Variants in C19orf44 observed in about 807,000 individuals in gnomAD.
C19orf44 encodes uncharacterized protein C19orf44.
C19orf44 carries 43 observed loss-of-function variants against 50.7 expected under a neutral mutation model. The observed-to-expected ratio is 0.85, with a 90% CI of 0.66 to 1.09. C19orf44 has a LOEUF of 1.09. C19orf44 is among the 50% of genes least tolerant of loss of function. The pLI, the probability that C19orf44 is intolerant of heterozygous loss-of-function variation, is 0.00. For synonymous variants in C19orf44, 298 were observed against 334.7 expected (o/e 0.89, Z 1.20); for missense variants, 722 against 836.2 (o/e 0.86, Z 1.68).
intron 7 of C19orf44, among the ~76,000 whole-genome samples, chr19:16,514,958 G>A (rs2093467737): frequency 1.3e-5 from 2 of 152,366 alleles, no homozygotes; most frequent in African/African-American, 2.4e-5. Context: ...TCTCCCATGG[G>A]AGGGGTCCTG....
intron 3 of C19orf44, among the ~76,000 whole-genome samples, chr19:16,504,413 A>G (rs868771795): frequency 3.3e-5 from 5 of 151,942 alleles, no homozygotes; most frequent in African/African-American, 7.3e-5. Context: ...ACAACATAGG[A>G]TGCTTTGGGG....
chr19:16,509,464 C>T (rs1008300406), intron 4 of C19orf44, 35 bp from the exon 5 acceptor site: 1 of 1,525,664 alleles, frequency 6.6e-7, no homozygotes, highest in South Asian at 1.3e-5. Context: ...ATTTCCAAAA[C>T]ACTTCCCAGC....
chr19:16,516,420 A>C (rs773734543), intron 7 of C19orf44, among the ~76,000 whole-genome samples: 13 of 152,114 alleles, frequency 8.5e-5, no homozygotes, highest in Admixed American at 2.0e-4. Context: ...TCTCAAACAA[A>C]CAACCATAAT....
intron 5 of C19orf44, among the ~76,000 whole-genome samples, chr19:16,512,800 AG>A (rs34762297): frequency 0.42 from 62,542 of 148,486 alleles, 14,548 homozygotes; most frequent in African/African-American, 0.64. Context: ...AGGAGGCTGT[AG>A]TGAGCTGTGA....
chr19:16,500,786 C>T lies in C19orf44; in HGVS notation c.-1-6C>T. On this transcript the variant is annotated splice_region_variant and splice_polypyrimidine_tract_variant and intron_variant, in intron 1 of 8. Coordinates refer to ENST00000221671, the MANE Select transcript of C19orf44 (RefSeq NM_032207.4). ...CTTATGCAAAATTGCTCCTCTTCCT[C>T]CACAGAATGGCTTCTGCAAGGAAAG... is the stretch of plus-strand genomic sequence containing the variant. The T allele has an allele frequency of 1.3e-6, 2 of 1,561,212 alleles. No homozygotes were observed. The highest frequency in any genetic ancestry group is 1.7e-6 in the Non-Finnish European group (2 of 1,157,118).
chr19:16,511,314 T>C (rs970536171), intron 5 of C19orf44, among the ~76,000 whole-genome samples: 1 of 151,974 alleles, frequency 6.6e-6, no homozygotes, highest in Admixed American at 6.6e-5. Flanking sequence ...GGATTATAGG[T>C]GTGAGCCACC....
chr19:16,520,371 TGGAGCGGGAGTAGGAACGGGAGCA>T lies in C19orf44; in HGVS notation c.*325_*348del. The T allele has an allele frequency of 6.2e-7, 1 of 1,612,374 alleles. No individual in the cohort carries two copies. The highest frequency in any genetic ancestry group is 2.2e-5 in the East Asian group (1 of 44,856). ...GAGGCAGCCTCTGCCTACCTAGATC[TGGAGCGGGAGTAGGAACGGGAGCA>T]GGAGCGCGACCTTGACCTTGAGTAC... is the stretch of plus-strand genomic sequence containing the variant. On this transcript the variant is annotated 3_prime_UTR_variant, in exon 9 of 9. Coordinates refer to ENST00000221671, the MANE Select transcript of C19orf44 (RefSeq NM_032207.4). The surrounding 1 kb of genome is among the most constrained non-coding windows in gnomAD (Gnocchi z 4.0).
intron 3 of C19orf44, among the ~76,000 whole-genome samples, chr19:16,504,603 GTTTTT>G (rs11340318): frequency 6.8e-6 from 1 of 147,916 alleles, no homozygotes; most frequent in African/African-American, 2.5e-5. Flanking sequence ...TCTTCTGTCT[GTTTTT>G]TTTTTTGTTT....
intron 2 of C19orf44, 136 bp from the exon 3 acceptor site, chr19:16,502,929 A>T: frequency 1.4e-6 from 1 of 732,262 alleles, no homozygotes; most frequent in Non-Finnish European, 2.2e-6. Flanking sequence ...TGTCGAGGCT[A>T]CAGTGAGCTA....
chr19:16,496,844 C>T (rs2093410691), intron 1 of C19orf44, among the ~76,000 whole-genome samples: 1 of 151,888 alleles, frequency 6.6e-6, no homozygotes, highest in Non-Finnish European at 1.5e-5. Context: ...AACTTTGCGT[C>T]AGGCCGGGCG....
rs1360442848 is a variant in C19orf44, at chr19:16,520,382, T to C, written c.*329T>C. ...TGCCTACCTAGATCTGGAGCGGGAGTAGGAACGGGAGCAGGAGCGCGACCT... is the reference window on the plus strand; with the variant it reads ...TGCCTACCTAGATCTGGAGCGGGAGCAGGAACGGGAGCAGGAGCGCGACCT... On this transcript the variant is annotated 3_prime_UTR_variant, in exon 9 of 9. Coordinates refer to ENST00000221671, the MANE Select transcript of C19orf44 (RefSeq NM_032207.4). The surrounding 1 kb of genome is among the most constrained non-coding windows in gnomAD (Gnocchi z 4.0). 2 of 1,612,408 alleles carry C rather than the reference T, an allele frequency of 1.2e-6. No homozygotes were observed. Among genetic ancestry groups the C allele is most frequent in the Non-Finnish European group, 1.7e-6 (2 of 1,179,652 alleles).
At position 16,519,056 on chromosome 19, in the gene C19orf44, G is replaced by T; in HGVS notation, c.*41-1038G>T. On this transcript the variant is annotated intron_variant, in intron 8 of 8. Coordinates refer to ENST00000221671, the MANE Select transcript of C19orf44 (RefSeq NM_032207.4). The surrounding 1 kb of genome is among the most constrained non-coding windows in gnomAD (Gnocchi z 6.0). ...CCTGTGGCTCTCCACAAGTGGAGAC[G>T]GTGTAAGAACTGAGCTGTCACTGCA... 9.7e-7 allele frequency: 1 copy of T among 1,027,276 alleles called. No homozygotes were observed. The highest frequency in any genetic ancestry group is 1.6e-5 in the African/African-American group (1 of 61,804). The allele number at this position is 1,027,276 out of a possible 1,614,324, so 63.6% of individuals were successfully genotyped here.
At chr19:16,503,495 C>T (rs2093431918) in intron 3 of C19orf44, 115 bp downstream of exon 3, 1 of 1,047,120 alleles carries the variant, frequency 9.5e-7, no homozygotes, top group African/African-American at 1.6e-5. Flanking sequence ...TTTTGAGTCG[C>T]ATCTCACACT....
intron 5 of C19orf44, 156 bp downstream of exon 5, chr19:16,510,144 C>CATGA: frequency 9.0e-7 from 1 of 1,111,682 alleles, no homozygotes. Flanking sequence ...AGGTGGCTCA[C>CATGA]GCCTGTAATC....
rs750866504 is a variant in C19orf44, at chr19:16,520,708, G to A, written c.*655G>A. The A allele has an allele frequency of 5.3e-5, 63 of 1,193,052 alleles. No individual in the cohort carries two copies. The highest frequency in any genetic ancestry group is 7.5e-5 in the Non-Finnish European group (61 of 813,576). The allele number at this position is 1,193,052 out of a possible 1,614,324, so 73.9% of individuals were successfully genotyped here. On this transcript the variant is annotated 3_prime_UTR_variant, in exon 9 of 9. Transcript: ENST00000221671. The surrounding 1 kb of genome is among the most constrained non-coding windows in gnomAD (Gnocchi z 4.0). ...GAATTCAGGCCTTGTGGAAAACACC[G>A]CCCCATAGGCACAGGCTGTGTGAGG...
chr19:16,509,951 G>C lies in C19orf44; in HGVS notation c.1602G>C (p.Gln534His), dbSNP rs2093452286. ...TRVLVKDTAV[Q>H]TPDPAFTYEW... ...TGCTTGTGAAGGACACAGCTGTGCA[G>C]ACGCCAGATCCTGCCTTCACCTACG... The change falls in exon 5 of 9, where the codon CAG (glutamine) becomes CAC (histidine). Residue 534 changes from glutamine to histidine, a missense_variant. Physicochemically the swap from Gln to His is conservative, Grantham distance 24. Coordinates refer to ENST00000221671, the MANE Select transcript of C19orf44 (RefSeq NM_032207.4). 1 of 1,614,164 alleles carries C rather than the reference G, an allele frequency of 6.2e-7. No individual in the cohort carries two copies. The highest frequency in any genetic ancestry group is 1.3e-5 in the African/African-American group (1 of 74,956).
rs2085593061 is a variant in C19orf44 at position 16,519,939 on chromosome 19, A to C, written c.*41-155A>C. 1.5e-6 allele frequency: 1 copy of C among 663,348 alleles called. No individual in the cohort carries two copies. The highest frequency in any genetic ancestry group is 1.8e-5 in the African/African-American group (1 of 55,092). 41.1% of individuals were successfully genotyped at this position (663,348 alleles called of 1,614,324 possible). The stretch of plus-strand genomic sequence containing the variant: ...TCAGCATTGAGAGCAGGACACCTCC[A>C]ACCCAGATGGTGGTTAGAAAGCAGA... On this transcript the variant is annotated intron_variant, in intron 8 of 8. Transcript: ENST00000221671. This position sits in a 1 kb window ranked among gnomAD's most constrained non-coding sequence, Gnocchi z 6.0.
At chr19:16,503,933 G>A (rs534961792) in intron 3 of C19orf44, among the ~76,000 whole-genome samples, 18 of 152,200 alleles carry the variant, frequency 1.2e-4, no homozygotes, top group African/African-American at 2.4e-4. Flanking sequence ...GGTGGCTCAC[G>A]CCTGCAATCC....
chr19:16,512,995 C>G lies in C19orf44; in HGVS notation c.1640-19C>G, dbSNP rs1466534720. On this transcript the variant is annotated intron_variant, in intron 5 of 8. Coordinates refer to ENST00000221671, the MANE Select transcript of C19orf44 (RefSeq NM_032207.4). ...CTCTGCGTCCTGCCTGCTTACCCCT[C>G]TCTTTGTCCCCGAGATAGTGGCCAG... 6.2e-7 allele frequency: 1 copy of G among 1,609,168 alleles called. No individual in the cohort carries two copies. Among genetic ancestry groups the G allele is most frequent in the Admixed American group, 1.7e-5 (1 of 59,940 alleles).
Sources: allele counts gnomAD v4.1 joint callset (sites outside exome capture counted in the v4.1 genomes callset), GRCh38; gene constraint gnomAD v4.1.1; non-coding constraint Gnocchi (gnomAD v3.1); transcripts MANE v1.5; gene names NCBI Gene and HGNC (gene_info 2026-07-23, HGNC 2026-07-21).